The following DNM3 variants were observed in gnomAD, a reference collection of about 807,000 sequenced individuals.
The protein encoded by DNM3 is dynamin 3.
In DNM3, 47 loss-of-function variants were observed where a neutral mutation model predicts 101.6. That is an observed-to-expected ratio of 0.46 (90% confidence interval 0.37 to 0.59). DNM3 has a LOEUF of 0.59. Ranked by LOEUF, DNM3 falls within the 20% of genes least tolerant of loss-of-function variation. DNM3 has a pLI of 0.00. For synonymous variants in DNM3, 385 were observed against 387.9 expected, an observed-to-expected ratio of 0.99 and a Z score of 0.09; for missense variants, 849 against 1,085.7, an observed-to-expected ratio of 0.78 and a Z score of 3.06.
intron 13 of DNM3, among the ~76,000 whole-genome samples, chr1:172,130,826 T>G (rs2056896756): frequency 6.6e-6 from 1 of 152,154 alleles, no homozygotes; most frequent in Non-Finnish European, 1.5e-5. Context: ...GGAGAGTCTA[T>G]TGTTCATCCA....
intron 1 of DNM3, among the ~76,000 whole-genome samples, chr1:171,874,901 A>G (rs190964338): frequency 5.9e-5 from 9 of 151,804 alleles, no homozygotes; most frequent in Admixed American, 5.2e-4. Context: ...GCTCCCACTT[A>G]TAAGTGGGAA....
chr1:172,336,651 C>CT (rs1397292429), intron 17 of DNM3, among the ~76,000 whole-genome samples: 1 of 150,322 alleles, frequency 6.7e-6, no homozygotes, highest in Non-Finnish European at 1.5e-5. Flanking sequence ...ACAATGTTTT[C>CT]TTTTACCTTC....
At chr1:172,147,550 G>A (rs1002517663) in intron 14 of DNM3, among the ~76,000 whole-genome samples, 138 of 152,186 alleles carry the variant, frequency 9.1e-4, no homozygotes, top group African/African-American at 3.1e-3. Flanking sequence ...GTTAGTTATT[G>A]TTCCCAATCT....
intron 14 of DNM3, among the ~76,000 whole-genome samples, chr1:172,235,311 C>T (rs1478840594): frequency 1.3e-5 from 2 of 152,144 alleles, no homozygotes; most frequent in Non-Finnish European, 1.5e-5. Flanking sequence ...CATCTCACAC[C>T]AGTTAGAATG....
intron 17 of DNM3, among the ~76,000 whole-genome samples, chr1:172,350,747 A>G (rs1229925490): frequency 6.6e-6 from 1 of 152,176 alleles, no homozygotes; most frequent in African/African-American, 2.4e-5. Flanking sequence ...GAACTCATCT[A>G]TCTGTATATA....
intron 1 of DNM3, among the ~76,000 whole-genome samples, chr1:171,912,897 C>G (rs183201944): frequency 6.6e-6 from 1 of 152,170 alleles, no homozygotes; most frequent in African/African-American, 2.4e-5. Context: ...TTCCTGGCAG[C>G]CAACTTGGGT....
At chr1:171,977,131 C>T (rs927641236) in intron 2 of DNM3, among the ~76,000 whole-genome samples, 15 of 152,216 alleles carry the variant, frequency 9.9e-5, no homozygotes, top group African/African-American at 3.4e-4. Context: ...ATTGGAATAA[C>T]TCCTTATTCA....
chr1:172,387,064 AG>A, intron 18 of DNM3, 68 bp from the exon 19 acceptor site: 1 of 1,332,546 alleles, frequency 7.5e-7, no homozygotes, highest in South Asian at 1.2e-5. Context: ...TGACTGCCAC[AG>A]CCATGTTTCT....
chr1:171,999,800 T>C (rs10910881), intron 4 of DNM3, among the ~76,000 whole-genome samples: 45,842 of 151,936 alleles, frequency 0.3, 10,077 homozygotes, highest in African/African-American at 0.63. Flanking sequence ...AGAGACAAGA[T>C]AGAAGGCCAT....
intron 14 of DNM3, among the ~76,000 whole-genome samples, chr1:172,207,834 A>G (rs780655369): frequency 6.6e-6 from 1 of 152,074 alleles, no homozygotes; most frequent in Non-Finnish European, 1.5e-5. Flanking sequence ...TCACCTTAAT[A>G]TATTATTTAC....
intron 16 of DNM3, among the ~76,000 whole-genome samples, chr1:172,314,318 C>T (rs551339436): frequency 7.9e-4 from 120 of 152,248 alleles, no homozygotes; most frequent in African/African-American, 2.8e-3. Flanking sequence ...ACGCAGAAGA[C>T]GGGTGATTTC....
intron 14 of DNM3, among the ~76,000 whole-genome samples, chr1:172,188,018 T>A (rs987922794): frequency 3.3e-5 from 5 of 152,216 alleles, no homozygotes; most frequent in African/African-American, 4.8e-5. Context: ...AAACCCACTA[T>A]ATATGTCTAC....
chr1:171,910,206 A>G (rs78019172), intron 1 of DNM3, among the ~76,000 whole-genome samples: 2,186 of 152,324 alleles, frequency 0.014, 61 homozygotes, highest in African/African-American at 0.048. Flanking sequence ...CCTAAAATCT[A>G]GATACAATAG....
chr1:172,128,312 C>T (rs542601951), intron 13 of DNM3, among the ~76,000 whole-genome samples: 1 of 152,320 alleles, frequency 6.6e-6, no homozygotes, highest in East Asian at 1.9e-4. Context: ...TCAAAGTCAG[C>T]ATAGCCTTTG....
chr1:172,054,042 A>G (rs944746278), intron 10 of DNM3, among the ~76,000 whole-genome samples: 2 of 152,348 alleles, frequency 1.3e-5, no homozygotes, highest in African/African-American at 4.8e-5. Flanking sequence ...GCCTCAGGCA[A>G]TGTGAAAATA....
chr1:171,868,588 A>T (rs1468549391), intron 1 of DNM3, among the ~76,000 whole-genome samples: 5 of 152,180 alleles, frequency 3.3e-5, no homozygotes, highest in African/African-American at 1.2e-4. Context: ...GAGATGTCAC[A>T]ACTTAGACAA....
At chr1:172,220,528 A>C (rs573654859) in intron 14 of DNM3, among the ~76,000 whole-genome samples, 11 of 152,288 alleles carry the variant, frequency 7.2e-5, no homozygotes, top group Non-Finnish European at 1.3e-4. Context: ...TAGGGGAAGT[A>C]AGTTGACAGA....
intron 15 of DNM3, among the ~76,000 whole-genome samples, chr1:172,275,274 C>T (rs2063237820): frequency 6.6e-6 from 1 of 152,010 alleles, no homozygotes; most frequent in Non-Finnish European, 1.5e-5. Flanking sequence ...AACACAGAGG[C>T]TATCATCTGT....
chr1:172,012,901 A>G lies in DNM3; in HGVS notation c.590-19501A>G, dbSNP rs529659563. ...CTACTCAGGGAAAACTTAGAGAAAAAAAGACAAAACTCTTCCTATTCATCA... is the reference window on the plus strand; with the variant it reads ...CTACTCAGGGAAAACTTAGAGAAAAGAAGACAAAACTCTTCCTATTCATCA... On this transcript the variant is annotated intron_variant, in intron 4 of 20. Transcript: ENST00000627582. Among the ~76,000 whole-genome samples the G allele has an allele frequency of 8.5e-5, 13 of 152,160 alleles. No homozygotes were observed. The East Asian group carries it at 2.3e-3, about 27-fold the overall frequency.
Sources: allele counts gnomAD v4.1 joint callset (sites outside exome capture counted in the v4.1 genomes callset), GRCh38; gene constraint gnomAD v4.1.1; transcripts MANE v1.5; gene names NCBI Gene and HGNC (gene_info 2026-07-23, HGNC 2026-07-21).